Variants in DOCK3 observed in about 807,000 individuals in gnomAD.
The protein encoded by DOCK3 is dedicator of cytokinesis protein 3.
In DOCK3, 60 loss-of-function variants were observed where a neutral mutation model predicts 265.6. The observed-to-expected ratio is 0.23, with a 90% CI of 0.18 to 0.28. DOCK3 has a LOEUF of 0.28. Ranked by LOEUF, DOCK3 falls within the 10% of genes least tolerant of loss-of-function variation. DOCK3 has a pLI of 1.00. For synonymous variants in DOCK3, 881 were observed against 938.0 expected (o/e 0.94, Z 1.11); for missense variants, 1,981 against 2,594.3 (o/e 0.76, Z 5.14).
At chr3:51,279,107 C>G (rs1027653140) in intron 26 of DOCK3, among the ~76,000 whole-genome samples, 2 of 151,996 alleles carry the variant, frequency 1.3e-5, no homozygotes. Flanking sequence ...AAAAAATTAG[C>G]CGGGCATGGT....
At chr3:51,305,733 C>CGTGTGTGTGTGTGTGTGT (rs202005379) in intron 27 of DOCK3, among the ~76,000 whole-genome samples, 1 of 135,526 alleles carries the variant, frequency 7.4e-6, no homozygotes, top group Non-Finnish European at 1.5e-5. Context: ...TGTGTGTGTG[C>CGTGTGTGTGTGTGTGTGT]GCGTGTGTGT....
At chr3:51,367,318 T>C (rs1166112230) in intron 49 of DOCK3, among the ~76,000 whole-genome samples, 1 of 151,258 alleles carries the variant, frequency 6.6e-6, no homozygotes, top group Non-Finnish European at 1.5e-5. Context: ...CAATCCCTGC[T>C]TTTTTTTTGT....
chr3:51,297,565 T>C (rs2082157626), intron 27 of DOCK3, among the ~76,000 whole-genome samples: 1 of 152,092 alleles, frequency 6.6e-6, no homozygotes, highest in Admixed American at 6.5e-5. Flanking sequence ...ATAGCCAATA[T>C]GCACAAGAAA....
chr3:50,886,265 T>A (rs1054389627), intron 3 of DOCK3, among the ~76,000 whole-genome samples: 94 of 150,868 alleles, frequency 6.2e-4, no homozygotes, highest in African/African-American at 2.2e-3. Context: ...GAAAAGTATG[T>A]TTATTTCATC....
chr3:50,706,458 C>T (rs919819654), intron 1 of DOCK3, among the ~76,000 whole-genome samples: 1 of 152,274 alleles, frequency 6.6e-6, no homozygotes, highest in East Asian at 1.9e-4. Context: ...GAGGAAGATG[C>T]TATCAGTCTG....
chr3:51,064,829 G>A (rs1391052449), intron 6 of DOCK3, among the ~76,000 whole-genome samples: 2 of 152,188 alleles, frequency 1.3e-5, no homozygotes, highest in Non-Finnish European at 2.9e-5. Context: ...CTGAAAAGAA[G>A]AGGTAAATAA....
At chr3:50,778,518 A>C (rs1002980687) in intron 1 of DOCK3, among the ~76,000 whole-genome samples, 157 bp from the exon 2 acceptor site, 1 of 152,204 alleles carries the variant, frequency 6.6e-6, no homozygotes, top group Non-Finnish European at 1.5e-5. Flanking sequence ...ATTTTTCAAA[A>C]TGTAGATTAA....
In DOCK3 at chr3:51,312,572, G is replaced by T; in HGVS notation, c.3190G>T (p.Asp1064Tyr). 2 of 1,581,528 alleles carry T rather than the reference G, an allele frequency of 1.3e-6. No individual in the cohort carries two copies. The highest frequency in any genetic ancestry group is 8.5e-7 in the Non-Finnish European group (1 of 1,170,510). ...ITSAKRKKIL[D>Y]KYGDMRVMMA... ...CTCAGCCAAAAGGAAGAAGATTCTA[G>T]ATAAGTAAGATAAACGTCTTATATT... is the stretch of plus-strand genomic sequence containing the variant. Residue 1064 changes from aspartate (D) to tyrosine (Y), a missense_variant, in exon 30 of 53, where the codon GAT becomes TAT. Coordinates refer to ENST00000266037, the MANE Select transcript of DOCK3 (RefSeq NM_004947.5).
chr3:51,117,757 T>C (rs2083804622), intron 9 of DOCK3, among the ~76,000 whole-genome samples: 2 of 152,226 alleles, frequency 1.3e-5, no homozygotes, highest in Admixed American at 1.3e-4. Flanking sequence ...TTTTAGGTGT[T>C]TATAGTATTC....
intron 27 of DOCK3, among the ~76,000 whole-genome samples, chr3:51,283,056 C>T (rs2081217464): frequency 2.0e-5 from 3 of 152,190 alleles, no homozygotes; most frequent in Non-Finnish European, 2.9e-5. Context: ...CAAGGAATGA[C>T]GTGAGCCACA....
At chr3:51,187,282 A>G (rs1409171587) in intron 12 of DOCK3, among the ~76,000 whole-genome samples, 2 of 152,194 alleles carry the variant, frequency 1.3e-5, no homozygotes, top group East Asian at 1.9e-4. Flanking sequence ...TGGATTTCAG[A>G]CTTGCATGGG....
intron 6 of DOCK3, among the ~76,000 whole-genome samples, chr3:51,072,890 T>C (rs1014150790): frequency 6.6e-6 from 1 of 151,212 alleles, no homozygotes; most frequent in Non-Finnish European, 1.5e-5. Flanking sequence ...TTTTTTTTTT[T>C]AGAGATGGGG....
intron 32 of DOCK3, among the ~76,000 whole-genome samples, chr3:51,319,980 T>C (rs1362009493): frequency 6.6e-6 from 1 of 152,192 alleles, no homozygotes; most frequent in Non-Finnish European, 1.5e-5. Flanking sequence ...TTTTTTCTTC[T>C]CAATACATAG....
At chr3:51,035,335 A>G (rs900590542) in intron 5 of DOCK3, among the ~76,000 whole-genome samples, 2 of 151,944 alleles carry the variant, frequency 1.3e-5, no homozygotes, top group East Asian at 3.9e-4. Context: ...AAGTTCACCA[A>G]CTCTTTCGTC....
At chr3:51,067,454 T>TGTGTGTGCGC (rs767323623) in intron 6 of DOCK3, among the ~76,000 whole-genome samples, 1 of 149,860 alleles carries the variant, frequency 6.7e-6, no homozygotes, top group Non-Finnish European at 1.5e-5. Flanking sequence ...TGTGTGTGTG[T>TGTGTGTGCGC]GTGCGCGCGC....
chr3:51,063,448 T>C (rs2081490002), intron 5 of DOCK3, among the ~76,000 whole-genome samples: 1 of 152,224 alleles, frequency 6.6e-6, no homozygotes, highest in South Asian at 2.1e-4. Context: ...CTCAAAACAC[T>C]ACCTGATTCT....
At chr3:50,905,645 G>A (rs1307193938) in intron 4 of DOCK3, among the ~76,000 whole-genome samples, 1 of 152,068 alleles carries the variant, frequency 6.6e-6, no homozygotes, top group Non-Finnish European at 1.5e-5. Context: ...TTGCTTATCA[G>A]CTTAAGGAGA....
chr3:51,088,490 T>C (rs1025024036), intron 7 of DOCK3, among the ~76,000 whole-genome samples: 3 of 152,244 alleles, frequency 2.0e-5, no homozygotes, highest in Non-Finnish European at 4.4e-5. Flanking sequence ...TTGATAATTA[T>C]ACATTGTATG....
chr3:51,249,107 G>A (rs1452749436), intron 22 of DOCK3, among the ~76,000 whole-genome samples: 2 of 150,426 alleles, frequency 1.3e-5, no homozygotes, highest in African/African-American at 2.4e-5. Context: ...AGGTGGGGGG[G>A]GTCAGCCCCC....
Sources: allele counts gnomAD v4.1 joint callset (sites outside exome capture counted in the v4.1 genomes callset), GRCh38; gene constraint gnomAD v4.1.1; transcripts MANE v1.5; gene names NCBI Gene and HGNC (gene_info 2026-07-23, HGNC 2026-07-21).